FNDC3B: variants seen among roughly 807,000 people sequenced by gnomAD.
FNDC3B encodes the protein fibronectin type III domain-containing protein 3B.
FNDC3B carries 12 observed loss-of-function variants against 151.5 expected under a neutral mutation model. The observed-to-expected ratio is 0.08, with a 90% CI of 0.05 to 0.13. The LOEUF is 0.13. Ranked by LOEUF, FNDC3B falls within the 10% of genes least tolerant of loss-of-function variation. FNDC3B has a pLI of 1.00. For synonymous variants in FNDC3B, 528 were observed against 549.0 expected (o/e 0.96, Z 0.54); for missense variants, 1,214 against 1,505.3 (o/e 0.81, Z 3.20).
intron 11 of FNDC3B, among the ~76,000 whole-genome samples, chr3:172,317,406 G>T (rs372600674): frequency 6.6e-6 from 1 of 151,570 alleles, no homozygotes; most frequent in Non-Finnish European, 1.5e-5. Flanking sequence ...GCATGGTCTC[G>T]ATCTCCTGAC....
intron 3 of FNDC3B, among the ~76,000 whole-genome samples, chr3:172,197,849 T>C (rs143236312): frequency 3.3e-5 from 5 of 152,332 alleles, no homozygotes; most frequent in African/African-American, 1.2e-4. Context: ...CTGGTGATGA[T>C]CACTTTGATC....
chr3:172,378,914 C>T (rs1177774134), intron 24 of FNDC3B, among the ~76,000 whole-genome samples: 1 of 152,170 alleles, frequency 6.6e-6, no homozygotes, highest in Non-Finnish European at 1.5e-5. Flanking sequence ...TCCTGGGGTA[C>T]TTATCTTGAA....
At chr3:172,221,281 T>TTA (rs1726265608) in intron 3 of FNDC3B, among the ~76,000 whole-genome samples, 1 of 152,232 alleles carries the variant, frequency 6.6e-6, no homozygotes, top group Admixed American at 6.5e-5. Flanking sequence ...TTTTCTTGCC[T>TTA]AATTGTTCTG....
In FNDC3B at chr3:172,133,565, A is replaced by C. The variant is rs2108573708; in HGVS notation, c.187+19A>C. On this transcript the variant is annotated intron_variant, in intron 3 of 25. Transcript: ENST00000415807. ...ATTCAAGGTAAGGACATTTTTGGTA[A>C]ATATTCTAATCAAAGATTTTTTTCT... 2 of 1,550,236 alleles carry C rather than the reference A, an allele frequency of 1.3e-6. No individual in the cohort carries two copies. Among genetic ancestry groups the C allele is most frequent in the East Asian group, 2.2e-5 (1 of 44,552 alleles).
At chr3:172,373,872 G>A (rs1288650788) in intron 23 of FNDC3B, among the ~76,000 whole-genome samples, 2 of 152,188 alleles carry the variant, frequency 1.3e-5, no homozygotes, top group African/African-American at 4.8e-5. Flanking sequence ...TATTATTCTT[G>A]TGTTGGCATA....
chr3:172,210,673 G>C (rs1379628327), intron 3 of FNDC3B, among the ~76,000 whole-genome samples: 2 of 152,062 alleles, frequency 1.3e-5, no homozygotes, highest in East Asian at 3.8e-4. Flanking sequence ...CACTTTTGTA[G>C]TATTTTGTTT....
At chr3:172,126,246 G>T (rs147508821) in intron 2 of FNDC3B, among the ~76,000 whole-genome samples, 2,270 of 152,258 alleles carry the variant, frequency 0.015, 28 homozygotes, top group Non-Finnish European at 0.023. Context: ...GCTTGTATGT[G>T]CTGAGGGTGT....
chr3:172,317,001 G>C (rs1019861743), intron 11 of FNDC3B, among the ~76,000 whole-genome samples: 5 of 152,196 alleles, frequency 3.3e-5, no homozygotes, highest in Admixed American at 2.6e-4. Context: ...GCAAGCGTGA[G>C]AGAGGGAAGG....
At chr3:172,061,702 T>C (rs1047335882) in intron 1 of FNDC3B, among the ~76,000 whole-genome samples, 2 of 152,372 alleles carry the variant, frequency 1.3e-5, no homozygotes, top group Non-Finnish European at 2.9e-5. Context: ...TTTTCCTGTC[T>C]CTTTTGTTTC....
chr3:172,166,166 A>G (rs932091542), intron 3 of FNDC3B, among the ~76,000 whole-genome samples: 1 of 152,188 alleles, frequency 6.6e-6, no homozygotes, highest in Non-Finnish European at 1.5e-5. Flanking sequence ...CATCATTTCG[A>G]AGCCACTCAT....
At chr3:172,186,437 A>G (rs7620401) in intron 3 of FNDC3B, among the ~76,000 whole-genome samples, 70,919 of 151,994 alleles carry the variant, frequency 0.47, 18,017 homozygotes, top group African/African-American at 0.67. Flanking sequence ...ACACATCCAT[A>G]GGTGACTTCA....
At chr3:172,199,437 C>T (rs1725025210) in intron 3 of FNDC3B, among the ~76,000 whole-genome samples, 2 of 152,068 alleles carry the variant, frequency 1.3e-5, no homozygotes, top group South Asian at 2.1e-4. Flanking sequence ...CCTCGGCCTC[C>T]CAAAGTGCTG....
In FNDC3B at chr3:172,357,875, T is replaced by C. The variant is rs184953514; in HGVS notation, c.2796-4758T>C. On this transcript the variant is annotated intron_variant, in intron 22 of 25. Transcript: ENST00000415807. ...TTGTAAAAATGTAGGATAGGTTGAA[T>C]TGAGTATTTTAGAATCTAGGTAGTT... 3.3e-5 allele frequency among the ~76,000 whole-genome samples: 5 copies of C among 152,328 alleles called. No individual in the cohort carries two copies. In the East Asian group the frequency reaches 7.7e-4, roughly 23 times the overall value.
At chr3:172,287,233 G>C (rs559808619) in intron 7 of FNDC3B, among the ~76,000 whole-genome samples, 2 of 152,130 alleles carry the variant, frequency 1.3e-5, no homozygotes, top group Non-Finnish European at 2.9e-5. Flanking sequence ...GTCTTTCCCG[G>C]TCTGTGGTTT....
At chr3:172,277,338 G>GT (rs1729485090) in intron 6 of FNDC3B, among the ~76,000 whole-genome samples, 1 of 152,142 alleles carries the variant, frequency 6.6e-6, no homozygotes. Context: ...CAAGATCAGG[G>GT]TGCCAGCATA....
At chr3:172,359,906 C>T (rs1734285151) in intron 22 of FNDC3B, among the ~76,000 whole-genome samples, 1 of 152,104 alleles carries the variant, frequency 6.6e-6, no homozygotes, top group Non-Finnish European at 1.5e-5. Flanking sequence ...ACGTTCCAAA[C>T]TATGAGGAGA....
intron 1 of FNDC3B, among the ~76,000 whole-genome samples, chr3:172,081,161 G>A (rs995753004): frequency 1.3e-5 from 2 of 152,190 alleles, no homozygotes; most frequent in African/African-American, 4.8e-5. Context: ...ATTGGCACTA[G>A]TGGTTTACAG....
At chr3:172,186,823 C>T (rs377237640) in intron 3 of FNDC3B, 15 of 684,370 alleles carry the variant, frequency 2.2e-5, no homozygotes, top group African/African-American at 8.9e-5. Flanking sequence ...TTCTTCATTA[C>T]GAGCACTTCG....
intron 3 of FNDC3B, among the ~76,000 whole-genome samples, chr3:172,158,428 A>G (rs1212254806): frequency 6.6e-5 from 10 of 152,070 alleles, no homozygotes; most frequent in South Asian, 2.1e-4. Flanking sequence ...GCATCTTTCA[A>G]TGTGCTTATT....
Sources: gnomAD v4.1 joint callset for allele counts (sites outside exome capture counted in the v4.1 genomes callset) on GRCh38, gnomAD v4.1.1 for gene constraint, MANE v1.5 for transcripts, NCBI Gene and HGNC (gene_info 2026-07-23, HGNC 2026-07-21) for gene names.